Variants in PPM1E observed in about 807,000 individuals in gnomAD.
PPM1E encodes protein phosphatase 1E.
A neutral mutation model predicts 65.9 loss-of-function variants in PPM1E; 20 were observed. That is an observed-to-expected ratio of 0.30 (90% CI 0.21 to 0.44). PPM1E has a LOEUF of 0.44. Ranked by LOEUF, PPM1E falls within the 20% of genes least tolerant of loss-of-function variation. The probability of loss-of-function intolerance (pLI) is 1.00; values close to 1 mark genes in which losing one functional copy is unlikely to be tolerated. For synonymous variants in PPM1E, 352 were observed against 374.9 expected (o/e 0.94, Z 0.70); for missense variants, 713 against 953.1 (o/e 0.75, Z 3.32).
intron 1 of PPM1E, among the ~76,000 whole-genome samples, chr17:58,864,460 G>A (rs988403245): frequency 1.1e-5 from 1 of 87,686 alleles, no homozygotes; most frequent in Non-Finnish European, 2.5e-5. Context: ...GGCCAACATG[G>A]TGAAACCTGT....
intron 1 of PPM1E, among the ~76,000 whole-genome samples, chr17:58,804,072 G>T (rs2143063920): frequency 6.6e-6 from 1 of 152,210 alleles, no homozygotes; most frequent in Admixed American, 6.5e-5. Flanking sequence ...GAGACTACAG[G>T]CCTGTGAAGC....
intron 6 of PPM1E, among the ~76,000 whole-genome samples, chr17:58,978,679 C>G (rs2031174882): frequency 6.6e-6 from 1 of 152,022 alleles, no homozygotes; most frequent in African/African-American, 2.4e-5. Context: ...CCACTGCACT[C>G]CAGCCTGGGC....
chr17:58,778,927 CATATATATATATATATATAT>C lies in PPM1E; in HGVS notation c.464+22481_464+22500del, dbSNP rs59563297. ...TATAACTAAATTGAGATGATACATA[CATATATATATATATATATAT>C]ATATATATATATATGTAGTATTGTG... On this transcript the variant is annotated intron_variant, in intron 1 of 6. Coordinates refer to ENST00000308249, the MANE Select transcript of PPM1E (RefSeq NM_014906.5). Among the ~76,000 whole-genome samples the C allele has an allele frequency of 1.4e-4, 15 of 103,708 alleles. No individual in the cohort carries two copies. In the South Asian group the frequency reaches 1.9e-3, roughly 13 times the overall value. 68.0% of individuals were successfully genotyped at this position (103,708 alleles called of 152,430 possible).
intron 1 of PPM1E, among the ~76,000 whole-genome samples, chr17:58,910,029 A>G (rs1453371638): frequency 6.9e-6 from 1 of 144,890 alleles, no homozygotes; most frequent in Non-Finnish European, 1.5e-5. Context: ...CAGCCTCCCA[A>G]CTAGCTGGGA....
chr17:58,912,457 G>A (rs1422288962), intron 1 of PPM1E, among the ~76,000 whole-genome samples: 1 of 152,176 alleles, frequency 6.6e-6, no homozygotes, highest in Non-Finnish European at 1.5e-5. Flanking sequence ...AGTGCAAAGG[G>A]CCTGAAGTAA....
At chr17:58,878,524 G>A (rs886955286) in intron 1 of PPM1E, among the ~76,000 whole-genome samples, 5 of 151,852 alleles carry the variant, frequency 3.3e-5, no homozygotes, top group East Asian at 1.9e-4. Context: ...GATTACAGGC[G>A]TGAGCCACCA....
At chr17:58,955,220 C>T (rs2029868156) in intron 1 of PPM1E, among the ~76,000 whole-genome samples, 1 of 152,098 alleles carries the variant, frequency 6.6e-6, no homozygotes, top group African/African-American at 2.4e-5. Context: ...CAAAAATTAG[C>T]TGGGCATGGT....
chr17:58,789,002 A>C (rs530255997), intron 1 of PPM1E, among the ~76,000 whole-genome samples: 1 of 152,348 alleles, frequency 6.6e-6, no homozygotes, highest in East Asian at 1.9e-4. Context: ...CTTCAGTTAC[A>C]CTGCCTTCAG....
chr17:58,971,980 T>C lies in PPM1E; in HGVS notation c.973-152T>C, dbSNP rs1598698766. The C allele has an allele frequency of 4.2e-6, 3 of 711,682 alleles. No homozygotes were observed. In the East Asian group the frequency reaches 8.2e-5, roughly 20 times the overall value. 44.1% of individuals were successfully genotyped at this position (711,682 alleles called of 1,614,324 possible). ...ATAAATACATACATGCATATACAAA[T>C]GCATTGAGACAATGAATTATTATAT... On this transcript the variant is annotated intron_variant, in intron 4 of 6. Coordinates refer to ENST00000308249, the MANE Select transcript of PPM1E (RefSeq NM_014906.5).
chr17:58,851,649 C>G (rs568694227), intron 1 of PPM1E, among the ~76,000 whole-genome samples: 3 of 152,188 alleles, frequency 2.0e-5, no homozygotes, highest in Non-Finnish European at 4.4e-5. Flanking sequence ...GAAGTTTCGT[C>G]TCAGAGGGGC....
chr17:58,965,644 A>C (rs2030198623), intron 2 of PPM1E, 50 bp from the exon 3 acceptor site: 1 of 1,566,254 alleles, frequency 6.4e-7, no homozygotes, highest in Non-Finnish European at 8.8e-7. Context: ...GAGAAGTGAA[A>C]AGCAGTTTTA....
intron 1 of PPM1E, among the ~76,000 whole-genome samples, chr17:58,810,356 G>A (rs747970988): frequency 9.2e-5 from 14 of 151,874 alleles, no homozygotes; most frequent in Admixed American, 2.0e-4. Context: ...ACAGGCACGC[G>A]CCACCATGCC....
At chr17:58,856,993 A>G (rs1030838905) in intron 1 of PPM1E, among the ~76,000 whole-genome samples, 4 of 152,204 alleles carry the variant, frequency 2.6e-5, no homozygotes, top group Non-Finnish European at 5.9e-5. Context: ...AGTTGCAACA[A>G]TAGTCCAGAG....
chr17:58,880,607 A>T (rs543413875), intron 1 of PPM1E, among the ~76,000 whole-genome samples: 49 of 150,764 alleles, frequency 3.3e-4, no homozygotes, highest in African/African-American at 5.6e-4. Flanking sequence ...GTTGTGAAAG[A>T]GTTTGTTTGT....
chr17:58,879,170 T>G (rs1423783463), intron 1 of PPM1E, among the ~76,000 whole-genome samples: 1 of 151,938 alleles, frequency 6.6e-6, no homozygotes, highest in African/African-American at 2.4e-5. Flanking sequence ...ATAGTCTATG[T>G]CACAAAATGT....
chr17:58,879,913 G>A (rs1297912445), intron 1 of PPM1E, among the ~76,000 whole-genome samples: 1 of 152,090 alleles, frequency 6.6e-6, no homozygotes, highest in Non-Finnish European at 1.5e-5. Flanking sequence ...TCCTCTTAGG[G>A]TCCCAGCTGG....
intron 6 of PPM1E, among the ~76,000 whole-genome samples, chr17:58,977,823 A>T (rs1383453426): frequency 6.6e-6 from 1 of 152,036 alleles, no homozygotes; most frequent in Admixed American, 6.5e-5. Flanking sequence ...GCTCACTGCA[A>T]CCTCTGCCTC....
chr17:58,932,837 A>G (rs1479888546), intron 1 of PPM1E, among the ~76,000 whole-genome samples: 2 of 152,232 alleles, frequency 1.3e-5, no homozygotes, highest in Non-Finnish European at 2.9e-5. Context: ...GGCACCCCAC[A>G]ACAACATTTT....
intron 1 of PPM1E, among the ~76,000 whole-genome samples, chr17:58,826,871 C>T (rs1008983594): frequency 1.3e-5 from 2 of 151,930 alleles, no homozygotes; most frequent in East Asian, 1.9e-4. Flanking sequence ...CCTTGTGATC[C>T]GCCCTCCTCA....
Sources: allele counts gnomAD v4.1 joint callset (sites outside exome capture counted in the v4.1 genomes callset), GRCh38; gene constraint gnomAD v4.1.1; transcripts MANE v1.5; gene names NCBI Gene and HGNC (gene_info 2026-07-23, HGNC 2026-07-21).